LTK: variants seen among roughly 807,000 people sequenced by gnomAD.
LTK encodes leukocyte tyrosine kinase receptor.
A neutral mutation model predicts 101.5 loss-of-function variants in LTK; 117 were observed. That is an observed-to-expected ratio of 1.15 (90% CI 0.99 to 1.34). The LOEUF (loss-of-function observed/expected upper bound fraction) is 1.34, where lower values mean the gene tolerates loss of function less well. Ranked by LOEUF, LTK falls within the 40% of genes most tolerant of loss-of-function variation. The pLI is 0.00. For missense variants in LTK, 1,252 were observed against 1,164.7 expected, an observed-to-expected ratio of 1.07 and a Z score of -1.09; for synonymous variants, 563 against 494.2, an observed-to-expected ratio of 1.14 and a Z score of -1.85.
At chr15:41,506,041 G>A (rs372026572) in intron 11 of LTK, 36 bp from the exon 12 acceptor site, 78 of 1,472,930 alleles carry the variant, frequency 5.3e-5, no homozygotes, top group Admixed American at 2.7e-4. Context: ...GTGGGCAGGC[G>A]GCCTGGAGAA....
rs140090710 is a variant in LTK at position 41,509,121 on chromosome 15, C to T, written c.1006G>A (p.Ala336Thr). The change falls in exon 8 of 20, where the codon GCT (alanine) becomes ACT (threonine). Residue 336 changes from alanine to threonine, a missense_variant. Physicochemically the swap from Ala to Thr is moderately conservative, Grantham distance 58. Transcript: ENST00000263800. The stretch of plus-strand genomic sequence containing the variant: ...GCCCAGAGGTTGTCAGTCTCTGAAG[C>T]GTCGCCCCCTGGAAGTGGAGAGTGA... ...GGGGGYRGGD[A>T]SETDNLWADG... 327 of 1,610,006 alleles carry T rather than the reference C, an allele frequency of 2.0e-4. 1 individual carries two copies. Among genetic ancestry groups the T allele is most frequent in the Non-Finnish European group, 2.5e-4 (295 of 1,176,448 alleles).
chr15:41,512,271 G>A lies in LTK; in HGVS notation c.360-6C>T, dbSNP rs1219183564. ...CGGCTCCGTAGGCTGAGATCCTGCG[G>A]GGAACGGACGGTGAGTCCCCGGCCT... On this transcript the variant is annotated splice_region_variant and splice_polypyrimidine_tract_variant and intron_variant, in intron 3 of 19. Transcript: ENST00000263800. The A allele has an allele frequency of 5.6e-6, 9 of 1,610,350 alleles. No homozygotes were observed. Among genetic ancestry groups the A allele is most frequent in the African/African-American group, 1.3e-5 (1 of 74,978 alleles).
rs2051157490 is a variant in LTK, at chr15:41,503,933, G to A, written c.*63C>T. The stretch of plus-strand genomic sequence containing the variant: ...CGCTGGCATAACAGGCCACCCAGGA[G>A]CCTGAGGAGTATAGGGAGGGACCCT... On this transcript the variant is annotated 3_prime_UTR_variant, in exon 20 of 20. Coordinates refer to ENST00000263800, the MANE Select transcript of LTK (RefSeq NM_002344.6). 4.6e-6 allele frequency: 7 copies of A among 1,513,038 alleles called. No individual in the cohort carries two copies. Among genetic ancestry groups the A allele is most frequent in the Non-Finnish European group, 5.3e-6 (6 of 1,132,152 alleles). The allele number at this position is 1,513,038 out of a possible 1,614,324, so 93.7% of individuals were successfully genotyped here.
chr15:41,509,062 G>A lies in LTK; in HGVS notation c.1065C>T (p.Pro355=). Residue 355 remains proline (P), a synonymous_variant, in exon 8 of 20, where the codon CCC becomes CCT. Coordinates refer to ENST00000263800, the MANE Select transcript of LTK (RefSeq NM_002344.6). ...DGEDGVSFIH[P]SSELFLQPLA... is the part of the protein sequence containing the mutation. ...GAGGCTGCAGGAAGAGCTCGCTGCT[G>A]GGGTGTATGAAGGATACTCCATCTT... 1 of 1,613,276 alleles carries A rather than the reference G, an allele frequency of 6.2e-7. No individual in the cohort carries two copies.
rs568286327 is a variant in LTK, at chr15:41,504,715, C to T, written c.2120+58G>A. ...CCTCACATGAGGTGGCTGGAAAGGACAGGATTAGCCTCAGGGGAGGGGAAC... is the reference window on the plus strand; with the variant it reads ...CCTCACATGAGGTGGCTGGAAAGGATAGGATTAGCCTCAGGGGAGGGGAAC... On this transcript the variant is annotated intron_variant, in intron 17 of 19. Coordinates refer to ENST00000263800, the MANE Select transcript of LTK (RefSeq NM_002344.6). The T allele has an allele frequency of 8.5e-5, 135 of 1,597,236 alleles. 1 individual carries two copies. In the South Asian group the frequency reaches 1.5e-3, roughly 17 times the overall value.
chr15:41,505,190 G>C lies in LTK; in HGVS notation c.1925+18C>G, dbSNP rs373622548. On this transcript the variant is annotated intron_variant, in intron 15 of 19. Transcript: ENST00000263800. Reference sequence around the variant, plus strand: ...GGGAGTTGGGATGGGGGTCCCCTGAGCCAGGACTGCTCCTAACCTGTGGAT... The same window carrying C: ...GGGAGTTGGGATGGGGGTCCCCTGACCCAGGACTGCTCCTAACCTGTGGAT... 1.9e-6 allele frequency: 3 copies of C among 1,611,378 alleles called. No individual in the cohort carries two copies. Among genetic ancestry groups the C allele is most frequent in the African/African-American group, 2.7e-5 (2 of 74,896 alleles).
At chr15:41,508,260 G>C in intron 8 of LTK, 39 bp from the exon 9 acceptor site, 3 of 1,571,610 alleles carry the variant, frequency 1.9e-6, no homozygotes, top group East Asian at 4.5e-5. Context: ...GTGTGGTAGG[G>C]CTGGGATATA....
chr15:41,505,659 G>A (rs1435266020), intron 13 of LTK, 54 bp downstream of exon 13: 2 of 1,609,668 alleles, frequency 1.2e-6, no homozygotes, highest in Non-Finnish European at 1.7e-6. Flanking sequence ...AAGAGAAACT[G>A]TTCCCGGGCA....
intron 7 of LTK, among the ~76,000 whole-genome samples, chr15:41,510,286 G>C (rs544116642): frequency 6.6e-6 from 1 of 152,208 alleles, no homozygotes; most frequent in East Asian, 1.9e-4. Flanking sequence ...GATTACAGGC[G>C]TGAGCCACCG....
At chr15:41,505,665 G>A (rs369461492) in intron 13 of LTK, 48 bp downstream of exon 13, 92 of 1,609,940 alleles carry the variant, frequency 5.7e-5, no homozygotes, top group South Asian at 1.3e-4. Context: ...AACTGTTCCC[G>A]GGCATTCCCC....
At position 41,505,900 on chromosome 15, in the gene LTK, T is replaced by C; in HGVS notation, c.1632+15A>G. The C allele has an allele frequency of 1.2e-6, 2 of 1,610,436 alleles. No individual in the cohort carries two copies. Among genetic ancestry groups the C allele is most frequent in the South Asian group, 1.1e-5 (1 of 90,884 alleles). Reference sequence around the variant, plus strand: ...CCGCTCTCCTACCCCCAGCCAGAAGTCCCACTCCTCTCACCTTGATAGCTA... The same window carrying C: ...CCGCTCTCCTACCCCCAGCCAGAAGCCCCACTCCTCTCACCTTGATAGCTA... On this transcript the variant is annotated intron_variant, in intron 12 of 19. Coordinates refer to ENST00000263800, the MANE Select transcript of LTK (RefSeq NM_002344.6).
At chr15:41,513,411 G>A (rs1225352977) in intron 1 of LTK, among the ~76,000 whole-genome samples, 1 of 152,204 alleles carries the variant, frequency 6.6e-6, no homozygotes, top group African/African-American at 2.4e-5. Flanking sequence ...AACTTAGATT[G>A]GTGGCCCCGC....
rs1034807847 is a variant in LTK, at chr15:41,504,253, G to T, written c.2347-9C>A. 1.9e-6 allele frequency: 3 copies of T among 1,606,528 alleles called. No homozygotes were observed. The African/African-American group carries it at 4.0e-5, about 21-fold the overall frequency. On this transcript the variant is annotated splice_polypyrimidine_tract_variant and intron_variant, in intron 19 of 19. Transcript: ENST00000263800. ...TTCAGCACATCCGGGTCCTGTAATG[G>T]AAGAGTCAGGGAGCAGGGGGGCATA...
In LTK at chr15:41,504,361, C is replaced by T. The variant is rs375277507; in HGVS notation, c.2327G>A (p.Arg776His). The change falls in exon 19 of 20, where the codon CGT becomes CAT. Residue 776 changes from arginine to histidine, a missense_variant. Physicochemically the swap from Arg to His is conservative, Grantham distance 29 (BLOSUM62 0). Coordinates refer to ENST00000263800, the MANE Select transcript of LTK (RefSeq NM_002344.6). ...LRPSFASILE[R>H]LQYCTQDPDV... is the part of the protein sequence containing the mutation. ...GCACACCTGAGTGCAGTACTGCAGA[C>T]GCTCCAAGATGCTGGCAAAGCTAGG... The T allele has an allele frequency of 1.3e-4, 202 of 1,614,026 alleles. No homozygotes were observed. The highest frequency in any genetic ancestry group is 1.6e-4 in the Middle Eastern group (1 of 6,084).
intron 11 of LTK, 127 bp from the exon 12 acceptor site, chr15:41,506,132 T>C (rs2051274481): frequency 3.2e-6 from 2 of 619,100 alleles, no homozygotes; most frequent in African/African-American, 3.7e-5. Flanking sequence ...ACTCTCTCCA[T>C]ACCATGGCAT....
intron 7 of LTK, among the ~76,000 whole-genome samples, chr15:41,510,309 CTT>C (rs906993967): frequency 6.6e-6 from 1 of 151,562 alleles, no homozygotes; most frequent in Non-Finnish European, 1.5e-5. Context: ...CCCCGCCTCT[CTT>C]AGCGATTTTC....
At chr15:41,505,375 T>C in intron 14 of LTK, 26 bp downstream of exon 14, 1 of 1,612,466 alleles carries the variant, frequency 6.2e-7, no homozygotes, top group Non-Finnish European at 8.5e-7. Context: ...TAGAGGGGCC[T>C]GGGGGGGCTA....
chr15:41,505,922 G>C lies in LTK; in HGVS notation c.1625C>G (p.Ala542Gly). ...AAGTCCCACTCCTCTCACCTTGATA[G>C]CTACCTGCAGGGGACTGGAGTCCCC... Reference protein sequence around the residue: ...LPGDSSPLQVAIKTLPELCSP... With the variant: ...LPGDSSPLQVGIKTLPELCSP... Residue 542 changes from alanine (A) to glycine (G), a missense_variant, in exon 12 of 20, where the codon GCT becomes GGT. Physicochemically the swap from Ala to Gly is moderately conservative, Grantham distance 60. Transcript: ENST00000263800. 2 of 1,613,470 alleles carry C rather than the reference G, an allele frequency of 1.2e-6. No homozygotes were observed. Among genetic ancestry groups the C allele is most frequent in the East Asian group, 4.5e-5 (2 of 44,880 alleles).
intron 4 of LTK, 40 bp downstream of exon 4, chr15:41,512,075 C>T: frequency 6.5e-7 from 1 of 1,538,212 alleles, no homozygotes; most frequent in Non-Finnish European, 8.8e-7. Flanking sequence ...GCCCTCGCCC[C>T]CGGCGCCGGC....
Sources: gnomAD v4.1 joint callset for allele counts (sites outside exome capture counted in the v4.1 genomes callset) on GRCh38, gnomAD v4.1.1 for gene constraint, MANE v1.5 for transcripts, NCBI Gene and HGNC (gene_info 2026-07-23, HGNC 2026-07-21) for gene names.